Variants in TPRG1 observed in about 807,000 individuals in gnomAD.
TPRG1 encodes the protein tumor protein p63-regulated gene 1 protein.
A neutral mutation model predicts 29.3 loss-of-function variants in TPRG1; 29 were observed. The ratio of observed to expected loss-of-function variants is 0.99; its 90% confidence interval spans 0.74 to 1.35. The LOEUF is 1.35. TPRG1 is among the 40% of genes most tolerant of loss of function. The probability of loss-of-function intolerance (pLI) is 0.00; values close to 1 mark genes in which losing one functional copy is unlikely to be tolerated. For synonymous variants in TPRG1, 130 were observed against 116.8 expected (o/e 1.11, Z -0.73); for missense variants, 327 against 335.0 (o/e 0.98, Z 0.19).
At chr3:189,143,907 C>A (rs941009675) in intron 3 of TPRG1, among the ~76,000 whole-genome samples, 1 of 152,066 alleles carries the variant, frequency 6.6e-6, no homozygotes, top group Admixed American at 6.5e-5. Context: ...TCTCCAATAG[C>A]GTGACTTATT....
At chr3:189,053,530 T>C (rs2152140607) in intron 4 of TPRG1, among the ~76,000 whole-genome samples, 1 of 152,276 alleles carries the variant, frequency 6.6e-6, no homozygotes, top group South Asian at 2.1e-4. Context: ...CATGATTGCC[T>C]AAGTGACCTT....
chr3:189,067,533 C>T (rs1372311859), intron 4 of TPRG1, among the ~76,000 whole-genome samples: 1 of 152,100 alleles, frequency 6.6e-6, no homozygotes, highest in Non-Finnish European at 1.5e-5. Flanking sequence ...GCAGTGAACT[C>T]TTTCTCAACA....
chr3:189,158,457 A>C (rs1726990030), intron 5 of TPRG1, among the ~76,000 whole-genome samples: 1 of 151,966 alleles, frequency 6.6e-6, no homozygotes, highest in African/African-American at 2.4e-5. Context: ...AAAAATACAA[A>C]AATTCGCCAG....
Position 189,115,999 on chromosome 3 carries a change from G to A in TPRG1, c.-743-11058G>A, listed in dbSNP as rs552334817. 2.0e-5 allele frequency among the ~76,000 whole-genome samples: 3 copies of A among 152,232 alleles called. No individual in the cohort carries two copies. In the South Asian group the frequency reaches 6.2e-4, roughly 32 times the overall value. ...AACAGAACATAACCACTGTTGGCAA[G>A]GATGTGGAGAAACTGGAACCCTTGC... On this transcript the variant is annotated intron_variant, in intron 1 of 6. Transcript: ENST00000412373.
intron 4 of TPRG1, among the ~76,000 whole-genome samples, chr3:189,043,242 C>T (rs1714744002): frequency 6.6e-6 from 1 of 152,100 alleles, no homozygotes; most frequent in South Asian, 2.1e-4. Flanking sequence ...TTTTAATAAA[C>T]ATAAAATTCT....
chr3:189,224,747 G>GT (rs1376414242), intron 3 of TPRG1, among the ~76,000 whole-genome samples: 2 of 152,024 alleles, frequency 1.3e-5, no homozygotes, highest in East Asian at 3.9e-4. Flanking sequence ...TCTGGTCCGT[G>GT]TTTTTTTAAA....
intron 4 of TPRG1, among the ~76,000 whole-genome samples, chr3:189,051,915 C>T (rs1715348144): frequency 1.3e-5 from 2 of 152,128 alleles, no homozygotes; most frequent in Non-Finnish European, 1.5e-5. Flanking sequence ...AAACTGGATC[C>T]TCATCTCTCA....
chr3:189,309,020 T>C (rs2109305989), intron 4 of TPRG1, among the ~76,000 whole-genome samples: 1 of 141,918 alleles, frequency 7.0e-6, no homozygotes, highest in African/African-American at 2.7e-5. Context: ...ATATTTTTCT[T>C]TACTCTGTCT....
chr3:189,143,754 A>G (rs912430608), intron 3 of TPRG1, among the ~76,000 whole-genome samples: 4 of 152,140 alleles, frequency 2.6e-5, no homozygotes, highest in African/African-American at 9.7e-5. Flanking sequence ...TTTTACCACA[A>G]TTGATTCCCA....
At chr3:189,159,850 G>GTC (rs1727230406) in intron 5 of TPRG1, among the ~76,000 whole-genome samples, 1 of 140,168 alleles carries the variant, frequency 7.1e-6, no homozygotes, top group South Asian at 2.6e-4. Context: ...ATGTGTGTGT[G>GTC]TGTGTGTGTG....
At chr3:189,063,824 C>T (rs1294667342) in intron 4 of TPRG1, among the ~76,000 whole-genome samples, 1 of 151,974 alleles carries the variant, frequency 6.6e-6, no homozygotes, top group East Asian at 1.9e-4. Context: ...TTTGGAGGTC[C>T]CCAAGACCAC....
chr3:189,177,381 G>A (rs1441228823), intron 1 of TPRG1, among the ~76,000 whole-genome samples: 1 of 151,540 alleles, frequency 6.6e-6, no homozygotes, highest in Non-Finnish European at 1.5e-5. Context: ...GATAAAAAAT[G>A]GGAATCATAT....
At chr3:189,068,750 CGGAT>C (rs1185011241) in intron 4 of TPRG1, among the ~76,000 whole-genome samples, 100 of 149,922 alleles carry the variant, frequency 6.7e-4, no homozygotes, top group Non-Finnish European at 1.9e-4. Context: ...CACTCCAGCC[CGGAT>C]GATAGTGCGA....
Position 189,320,942 on chromosome 3 carries a change from G to A in TPRG1, c.*122G>A. On this transcript the variant is annotated 3_prime_UTR_variant, in exon 6 of 6. Coordinates refer to ENST00000345063, the MANE Select transcript of TPRG1 (RefSeq NM_198485.4). Reference sequence around the variant, plus strand: ...TTTTTAAATGACGCTTTATGATTTAGAAATTTAGTATTTCCGAAAATTTAA... The same window carrying A: ...TTTTTAAATGACGCTTTATGATTTAAAAATTTAGTATTTCCGAAAATTTAA... 1.0e-6 allele frequency: 1 copy of A among 974,482 alleles called. No individual in the cohort carries two copies. The highest frequency in any genetic ancestry group is 1.4e-6 in the Non-Finnish European group (1 of 696,016). 60.4% of individuals were successfully genotyped at this position (974,482 alleles called of 1,614,324 possible).
At chr3:189,147,182 A>G (rs17479144) in intron 3 of TPRG1, among the ~76,000 whole-genome samples, 47,718 of 152,134 alleles carry the variant, frequency 0.31, 7,908 homozygotes, top group Admixed American at 0.44. Context: ...AGAGTTATCC[A>G]GTGATCCCAT....
intron 5 of TPRG1, chr3:189,313,290 G>A (rs977779561): frequency 6.6e-6 from 1 of 152,126 alleles, no homozygotes; most frequent in Non-Finnish European, 1.5e-5. Context: ...TTAAGACCCA[G>A]TTATATCAAT....
At chr3:189,056,089 C>CTTCA (rs879713970) in intron 4 of TPRG1, among the ~76,000 whole-genome samples, 83 of 128,876 alleles carry the variant, frequency 6.4e-4, no homozygotes, top group Non-Finnish European at 8.0e-4. Flanking sequence ...TCCTTCCTTC[C>CTTCA]TTCCTTCCTT....
chr3:189,276,771 G>A (rs1477975105), intron 4 of TPRG1, among the ~76,000 whole-genome samples: 2 of 152,108 alleles, frequency 1.3e-5, no homozygotes, highest in Non-Finnish European at 2.9e-5. Flanking sequence ...GACAGGTTTG[G>A]CATTCTGCTT....
intron 3 of TPRG1, among the ~76,000 whole-genome samples, chr3:189,136,174 G>A: frequency 6.6e-6 from 1 of 152,138 alleles, no homozygotes; most frequent in Admixed American, 6.5e-5. Context: ...CAATAAATGA[G>A]CTTACAGTTC....
Sources: gnomAD v4.1 joint callset for allele counts (sites outside exome capture counted in the v4.1 genomes callset) on GRCh38, gnomAD v4.1.1 for gene constraint, MANE v1.5 for transcripts, NCBI Gene and HGNC (gene_info 2026-07-23, HGNC 2026-07-21) for gene names.